The following SLC25A26 variants were observed in gnomAD, a reference collection of about 807,000 sequenced individuals.
SLC25A26 encodes solute carrier family 25 member 26.
A neutral mutation model predicts 37.8 loss-of-function variants in SLC25A26; 36 were observed. The observed-to-expected ratio is 0.95, with a 90% confidence interval of 0.73 to 1.26. SLC25A26 has a LOEUF of 1.26. SLC25A26 is among the 50% of genes most tolerant of loss of function. The probability of loss-of-function intolerance (pLI) is 0.00; values close to 1 mark genes in which losing one functional copy is unlikely to be tolerated. For synonymous variants in SLC25A26, 129 were observed against 122.5 expected (o/e 1.05, Z -0.35); for missense variants, 390 against 331.1 (o/e 1.18, Z -1.38).
chr3:66,341,483 T>C (rs893251120), intron 5 of SLC25A26, among the ~76,000 whole-genome samples: 1 of 152,180 alleles, frequency 6.6e-6, no homozygotes, highest in Non-Finnish European at 1.5e-5. Context: ...GTGATGATTC[T>C]GTAGAATGTG....
intron 5 of SLC25A26, among the ~76,000 whole-genome samples, chr3:66,331,646 A>G (rs769414943): frequency 9.9e-5 from 15 of 152,032 alleles, no homozygotes; most frequent in Admixed American, 2.0e-4. Flanking sequence ...GGTTTGATCA[A>G]TTTATTTTGG....
intron 1 of SLC25A26, among the ~76,000 whole-genome samples, chr3:66,191,798 A>T (rs1156957655): frequency 6.6e-6 from 1 of 151,434 alleles, no homozygotes; most frequent in Non-Finnish European, 1.5e-5. Flanking sequence ...GGCTGAGGCA[A>T]GATAATTGCT....
intron 9 of SLC25A26, among the ~76,000 whole-genome samples, chr3:66,371,931 T>TA (rs962592424): frequency 3.3e-5 from 5 of 152,084 alleles, no homozygotes; most frequent in South Asian, 2.1e-4. Context: ...ACTCTGTCTC[T>TA]AAAAAATAAA....
intron 9 of SLC25A26, among the ~76,000 whole-genome samples, chr3:66,376,207 T>G (rs1415975460): frequency 6.6e-6 from 1 of 152,014 alleles, no homozygotes; most frequent in African/African-American, 2.4e-5. Context: ...AATCTACTCC[T>G]GGTGAAGATA....
At chr3:66,147,660 C>G (rs189017488) in intron 1 of SLC25A26, among the ~76,000 whole-genome samples, 83 of 152,288 alleles carry the variant, frequency 5.5e-4, no homozygotes, top group African/African-American at 1.9e-3. Context: ...TGAGGAATCT[C>G]CATACTGTTT....
At chr3:66,187,584 A>T (rs1193280484) in intron 1 of SLC25A26, among the ~76,000 whole-genome samples, 1 of 151,756 alleles carries the variant, frequency 6.6e-6, no homozygotes, top group Non-Finnish European at 1.5e-5. Flanking sequence ...CTGAACCTTA[A>T]CTGACCCTGA....
intron 6 of SLC25A26, among the ~76,000 whole-genome samples, chr3:66,357,535 G>C (rs332390): frequency 6.6e-6 from 1 of 151,786 alleles, no homozygotes; most frequent in South Asian, 2.1e-4. Context: ...TTGGTATACA[G>C]CCTCCTCCGT....
chr3:66,210,248 ATAT>A (rs2071266544), intron 1 of SLC25A26, among the ~76,000 whole-genome samples: 1 of 151,768 alleles, frequency 6.6e-6, no homozygotes, highest in Non-Finnish European at 1.5e-5. Flanking sequence ...GTGGAGACAG[ATAT>A]TAATAACATC....
At chr3:66,353,285 C>A (rs1418101937) in intron 6 of SLC25A26, among the ~76,000 whole-genome samples, 1 of 152,180 alleles carries the variant, frequency 6.6e-6, no homozygotes, top group African/African-American at 2.4e-5. Flanking sequence ...TTCAAAGCTA[C>A]AGTGTGCCAG....
At chr3:66,235,693 A>G (rs2072244170) in intron 1 of SLC25A26, among the ~76,000 whole-genome samples, 2 of 152,184 alleles carry the variant, frequency 1.3e-5, no homozygotes, top group Admixed American at 1.3e-4. Context: ...GAAAAGATAA[A>G]TCGTTAAAAA....
intron 1 of SLC25A26, among the ~76,000 whole-genome samples, chr3:66,235,497 A>G (rs1202146529): frequency 6.6e-6 from 1 of 152,222 alleles, no homozygotes; most frequent in Non-Finnish European, 1.5e-5. Context: ...TTTAAAAATT[A>G]TCAAGGAATT....
intron 1 of SLC25A26, among the ~76,000 whole-genome samples, chr3:66,208,720 A>ATATATATATACACATTTATATGGGTG (rs2071216258): frequency 1.4e-4 from 20 of 146,402 alleles, no homozygotes; most frequent in South Asian, 6.3e-4. Flanking sequence ...TTATATGGGT[A>ATATATATATACACATTTATATGGGTG]TATATATATA....
chr3:66,218,108 C>CT (rs1262262730), upstream of SLC25A26, among the ~76,000 whole-genome samples: 121,428 of 150,104 alleles, frequency 0.81, 50,117 homozygotes, highest in Middle Eastern at 0.92. Context: ...TACATGTGGT[C>CT]TTTTTTTTTT....
chr3:66,136,216 G>A (rs1437542301), intron 1 of SLC25A26, among the ~76,000 whole-genome samples: 1 of 152,030 alleles, frequency 6.6e-6, no homozygotes, highest in Non-Finnish European at 1.5e-5. Flanking sequence ...ATCTGCTGTT[G>A]GACTTCTCCT....
At chr3:66,220,846 G>A (rs1553657937), upstream of SLC25A26, 2 of 563,934 alleles carry the variant, frequency 3.5e-6, no homozygotes, top group Non-Finnish European at 6.2e-6. Flanking sequence ...CAACGCTGCT[G>A]CAGGAAACCG....
At chr3:66,304,059 T>C (rs776958289) in intron 5 of SLC25A26, among the ~76,000 whole-genome samples, 1 of 152,230 alleles carries the variant, frequency 6.6e-6, no homozygotes, top group Non-Finnish European at 1.5e-5. Context: ...CTTCAGATCT[T>C]GTTAGGAAGG....
chr3:66,377,460 C>T (rs746750700), intron 9 of SLC25A26, among the ~76,000 whole-genome samples: 12 of 151,762 alleles, frequency 7.9e-5, no homozygotes, highest in Non-Finnish European at 1.5e-4. Flanking sequence ...AGCTCTTTAA[C>T]ACCTTTTTAA....
At chr3:66,355,147 A>AT (rs1213126451) in intron 6 of SLC25A26, among the ~76,000 whole-genome samples, 5 of 152,110 alleles carry the variant, frequency 3.3e-5, no homozygotes, top group African/African-American at 1.2e-4. Flanking sequence ...TAAAACCTAA[A>AT]TATTACTAAG....
At chr3:66,159,425 A>G (rs1220094246) in intron 1 of SLC25A26, among the ~76,000 whole-genome samples, 1 of 152,182 alleles carries the variant, frequency 6.6e-6, no homozygotes, top group Non-Finnish European at 1.5e-5. Flanking sequence ...ATTTTGTGCC[A>G]TGTAAATTAT....
Sources: allele counts gnomAD v4.1 joint callset (sites outside exome capture counted in the v4.1 genomes callset), GRCh38; gene constraint gnomAD v4.1.1; transcripts MANE v1.5; gene names NCBI Gene and HGNC (gene_info 2026-07-23, HGNC 2026-07-21).